Variants in L3MBTL4 observed in about 807,000 individuals in gnomAD.
The protein encoded by L3MBTL4 is L3MBTL histone methyl-lysine binding protein 4, also known as lethal(3)malignant brain tumor-like protein 4.
A neutral mutation model predicts 84.5 loss-of-function variants in L3MBTL4; 70 were observed. The ratio of observed to expected loss-of-function variants is 0.83; its 90% CI spans 0.68 to 1.01. L3MBTL4 has a LOEUF of 1.01. L3MBTL4 is among the 50% of genes least tolerant of loss of function. The pLI, the probability that L3MBTL4 is intolerant of heterozygous loss-of-function variation, is 0.00. For missense variants in L3MBTL4, 715 were observed against 754.8 expected, an observed-to-expected ratio of 0.95 and a Z score of 0.62; for synonymous variants, 274 against 259.8, an observed-to-expected ratio of 1.05 and a Z score of -0.52.
In L3MBTL4 at chr18:6,012,718, A is replaced by C. The variant is rs549981666; in HGVS notation, c.1445-43156T>G. Among the ~76,000 whole-genome samples the C allele has an allele frequency of 2.0e-5, 3 of 152,142 alleles. No individual in the cohort carries two copies. The South Asian group carries it at 6.2e-4, about 32-fold the overall frequency. On this transcript the variant is annotated intron_variant, in intron 16 of 18. Transcript: ENST00000317931. ...AGCCCAGGAGTTTGGGGCTGCAGTG[A>C]GCTATGACTGCGCCATTGCACTCCA...
intron 1 of L3MBTL4, among the ~76,000 whole-genome samples, chr18:6,354,163 C>A (rs1319847800): frequency 6.6e-6 from 1 of 151,956 alleles, no homozygotes; most frequent in African/African-American, 2.4e-5. Flanking sequence ...AACAAAGGTC[C>A]CAAGAACACA....
intron 1 of L3MBTL4, among the ~76,000 whole-genome samples, chr18:6,356,526 A>G (rs944388738): frequency 6.6e-6 from 1 of 152,190 alleles, no homozygotes; most frequent in Non-Finnish European, 1.5e-5. Flanking sequence ...GGTAGAGCCT[A>G]CTACACTCAG....
At chr18:6,325,285 C>T (rs575720344) in intron 1 of L3MBTL4, among the ~76,000 whole-genome samples, 62 of 152,202 alleles carry the variant, frequency 4.1e-4, no homozygotes, top group Middle Eastern at 3.4e-3. Flanking sequence ...AAATCAACTG[C>T]GACTACATAT....
At chr18:6,064,337 G>T (rs909820586) in intron 16 of L3MBTL4, among the ~76,000 whole-genome samples, 8 of 151,976 alleles carry the variant, frequency 5.3e-5, no homozygotes, top group African/African-American at 1.9e-4. Context: ...CTTTGGCTAT[G>T]CAGGCTCTCT....
At chr18:6,301,493 T>C (rs62079191) in intron 4 of L3MBTL4, among the ~76,000 whole-genome samples, 4 of 152,208 alleles carry the variant, frequency 2.6e-5, no homozygotes, top group Non-Finnish European at 4.4e-5. Flanking sequence ...GTATTCATTT[T>C]AGAGAAAATG....
In L3MBTL4 at chr18:5,991,413, C is replaced by T. The variant is rs543815938; in HGVS notation, c.1445-21851G>A. ...TCTTATTCAGTCCTCAAGATGAACA[C>T]GGCTTTGCCTTTAAGAGGCACATAA... On this transcript the variant is annotated intron_variant, in intron 16 of 18. Transcript: ENST00000317931. 5.9e-5 allele frequency among the ~76,000 whole-genome samples: 9 copies of T among 152,310 alleles called. 1 individual carries two copies. The South Asian group carries it at 1.7e-3, about 28-fold the overall frequency.
At chr18:6,229,731 C>T (rs2046917543) in intron 10 of L3MBTL4, among the ~76,000 whole-genome samples, 1 of 152,150 alleles carries the variant, frequency 6.6e-6, no homozygotes, top group African/African-American at 2.4e-5. Flanking sequence ...GTTGAAGACT[C>T]TCTTTTCCCC....
rs562513005 is a variant in L3MBTL4 at position 6,128,177 on chromosome 18, GA to G, written c.1199+10016del. Reference sequence around the variant, plus strand: ...GAATAAGAATGTGTTCTCAGAAACTGAAAAAAAAAAACACAGTATAATCAAA... The same window carrying G: ...GAATAAGAATGTGTTCTCAGAAACTGAAAAAAAAAACACAGTATAATCAAA... On this transcript the variant is annotated intron_variant, in intron 14 of 18. Coordinates refer to ENST00000317931, the MANE Select transcript of L3MBTL4 (RefSeq NM_001330559.2). Among the ~76,000 whole-genome samples the G allele has an allele frequency of 4.3e-3, 599 of 137,746 alleles. 3 individuals carry two copies. The highest frequency in any genetic ancestry group is 0.022 in the Middle Eastern group (6 of 270). The allele number at this position is 137,746 out of a possible 152,430, so 90.4% of individuals were successfully genotyped here. A position where few individuals can be genotyped will look rare whatever the true frequency, so the allele number is the denominator to read the frequency against.
At chr18:6,243,196 C>T (rs2146144033) in intron 7 of L3MBTL4, 98 bp downstream of exon 7, 3 of 1,125,904 alleles carry the variant, frequency 2.7e-6, no homozygotes, top group Admixed American at 2.9e-5. Flanking sequence ...AATCAATCCA[C>T]ACCAGGATCT....
rs543963669 is a variant in L3MBTL4 at position 6,032,223 on chromosome 18, T to C, written c.1444+48658A>G. 765 of 553,844 alleles carry C rather than the reference T, an allele frequency of 1.4e-3. 2 individuals are homozygous for C. Among genetic ancestry groups the C allele is most frequent in the South Asian group, 2.1e-3 (30 of 14,360 alleles). The allele number at this position is 553,844 out of a possible 1,614,324, so 34.3% of individuals were successfully genotyped here. On this transcript the variant is annotated intron_variant, in intron 16 of 18. Transcript: ENST00000317931. ...TGATCTCCTGATCTCGTGATCTGCC[T>C]GCCTCGGCCTCCCAAAGTGCTGGGA...
At chr18:6,289,537 T>C (rs1282033191) in intron 4 of L3MBTL4, among the ~76,000 whole-genome samples, 1 of 152,262 alleles carries the variant, frequency 6.6e-6, no homozygotes, top group Non-Finnish European at 1.5e-5. Flanking sequence ...TAATTTGATT[T>C]CTTTAGGTAA....
intron 12 of L3MBTL4, among the ~76,000 whole-genome samples, chr18:6,209,044 C>T (rs1379167986): frequency 2.0e-5 from 3 of 152,158 alleles, no homozygotes; most frequent in Non-Finnish European, 4.4e-5. Context: ...CATGTATGAT[C>T]TCCAATTCCA....
At chr18:6,351,588 G>C (rs1196627862) in intron 1 of L3MBTL4, among the ~76,000 whole-genome samples, 1 of 151,212 alleles carries the variant, frequency 6.6e-6, no homozygotes, top group Non-Finnish European at 1.5e-5. Flanking sequence ...GTCTCGCTCT[G>C]TCGCCCAGGC....
At chr18:6,026,587 T>C (rs1437861703) in intron 16 of L3MBTL4, among the ~76,000 whole-genome samples, 1 of 152,166 alleles carries the variant, frequency 6.6e-6, no homozygotes, top group Non-Finnish European at 1.5e-5. Context: ...GCTGAAGAGC[T>C]AAGGAAGAAG....
chr18:6,294,166 GA>G (rs945671968), intron 4 of L3MBTL4, among the ~76,000 whole-genome samples: 5 of 151,038 alleles, frequency 3.3e-5, no homozygotes, highest in South Asian at 2.1e-4. Flanking sequence ...TAATTCAGGA[GA>G]AAAAAAAATC....
rs2047578458 is a variant in L3MBTL4, at chr18:6,244,542, C to T, written c.266G>A (p.Arg89Lys). 6.2e-7 allele frequency: 1 copy of T among 1,613,922 alleles called. No individual in the cohort carries two copies. The highest frequency in any genetic ancestry group is 1.7e-5 in the Admixed American group (1 of 59,988). The change falls in exon 6 of 19, where the codon AGA becomes AAA. Residue 89 changes from arginine to lysine, a missense_variant. By Grantham distance (26) the Arg-to-Lys change is conservative. Transcript: ENST00000317931. ...ATGTCGGGGATCAATGCCTTCTAAT[C>T]TCATTCCAATCTGAAAACCATTTTC... The part of the protein sequence containing the change: ...EHENGFQIGM[R>K]LEGIDPRHPS...
At chr18:6,064,357 A>G (rs1047931106) in intron 16 of L3MBTL4, among the ~76,000 whole-genome samples, 1 of 152,022 alleles carries the variant, frequency 6.6e-6, no homozygotes, top group Non-Finnish European at 1.5e-5. Flanking sequence ...TTTTCATTCC[A>G]TATGAATTTT....
At chr18:6,151,694 C>T (rs1372665081) in intron 13 of L3MBTL4, among the ~76,000 whole-genome samples, 1 of 152,112 alleles carries the variant, frequency 6.6e-6, no homozygotes, top group African/African-American at 2.4e-5. Context: ...CGTGCCCAGA[C>T]TAATTTTAAA....
At chr18:6,229,356 A>T (rs2046902605) in intron 10 of L3MBTL4, among the ~76,000 whole-genome samples, 1 of 152,140 alleles carries the variant, frequency 6.6e-6, no homozygotes, top group Non-Finnish European at 1.5e-5. Flanking sequence ...TAGAAACTCT[A>T]TATATACCCT....
Sources: gnomAD v4.1 joint callset for allele counts (sites outside exome capture counted in the v4.1 genomes callset) on GRCh38, gnomAD v4.1.1 for gene constraint, MANE v1.5 for transcripts, NCBI Gene and HGNC (gene_info 2026-07-23, HGNC 2026-07-21) for gene names.